The following IFT80 variants were observed in gnomAD, a reference collection of about 807,000 sequenced individuals.
IFT80 encodes intraflagellar transport protein 80 homolog.
IFT80 carries 79 observed loss-of-function variants against 107.9 expected under a neutral mutation model. That is an observed-to-expected ratio of 0.73 (90% CI 0.61 to 0.88). The LOEUF (loss-of-function observed/expected upper bound fraction) is 0.88. IFT80 is among the 40% of genes least tolerant of loss of function. The pLI, the probability that IFT80 is intolerant of heterozygous loss-of-function variation, is 0.00. For missense variants in IFT80, 797 were observed against 914.2 expected (o/e 0.87, Z 1.65); for synonymous variants, 299 against 300.9 (o/e 0.99, Z 0.07).
At chr3:160,366,572 CATTT>C (rs1006624836) in intron 5 of IFT80, among the ~76,000 whole-genome samples, 2 of 152,032 alleles carry the variant, frequency 1.3e-5, no homozygotes, top group Non-Finnish European at 2.9e-5. Context: ...AATGTTTTTA[CATTT>C]ATTTGCAACT....
Position 160,258,448 on chromosome 3 carries a change from G to A in IFT80, c.*77C>T, listed in dbSNP as rs2108189413. 6.3e-7 allele frequency: 1 copy of A among 1,580,360 alleles called. No homozygotes were observed. Among genetic ancestry groups the A allele is most frequent in the African/African-American group, 1.4e-5 (1 of 74,046 alleles). On this transcript the variant is annotated 3_prime_UTR_variant, in exon 20 of 20. Transcript: ENST00000326448. ...GTTAAAGATTATGCTTTTTTCTTTA[G>A]CAACCAAAACATGCTTACCCTTGGT...
intron 1 of IFT80, among the ~76,000 whole-genome samples, chr3:160,385,560 T>A (rs1712863207): frequency 6.6e-6 from 1 of 152,218 alleles, no homozygotes; most frequent in African/African-American, 2.4e-5. Context: ...TTCTCATGAA[T>A]CCAAGAACCT....
At chr3:160,341,302 C>T (rs1213648075) in intron 8 of IFT80, among the ~76,000 whole-genome samples, 14 of 150,222 alleles carry the variant, frequency 9.3e-5, no homozygotes, top group Non-Finnish European at 1.2e-4. Context: ...ACGTAGTTTG[C>T]GATTTGTGGT....
chr3:160,336,751 TCA>T (rs1719508541), intron 8 of IFT80, among the ~76,000 whole-genome samples: 1 of 152,176 alleles, frequency 6.6e-6, no homozygotes. Flanking sequence ...TCTGTGCCTT[TCA>T]AACAGTCTTA....
chr3:160,286,117 G>A (rs1715071852), intron 12 of IFT80, among the ~76,000 whole-genome samples: 1 of 152,066 alleles, frequency 6.6e-6, no homozygotes, highest in South Asian at 2.1e-4. Flanking sequence ...TGCTCCACAG[G>A]CTCACAATGG....
intron 18 of IFT80, among the ~76,000 whole-genome samples, chr3:160,273,220 G>A (rs923955444): frequency 1.3e-5 from 2 of 152,166 alleles, no homozygotes; most frequent in African/African-American, 4.8e-5. Flanking sequence ...CTGAATATTT[G>A]CAGTCCTTTC....
chr3:160,258,601 A>G lies in IFT80; in HGVS notation c.2258T>C (p.Ile753Thr), dbSNP rs1712540058. 2 of 1,613,138 alleles carry G rather than the reference A, an allele frequency of 1.2e-6. No homozygotes were observed. The highest frequency in any genetic ancestry group is 1.7e-6 in the Non-Finnish European group (2 of 1,179,908). The stretch of plus-strand genomic sequence containing the variant: ...TCTTTCTTTTGTAATTTCCATCTCA[A>G]TTTTGGCTTTGATTTTCTCCCAATC... ...QIDWEKIKAK[I>T]EMEITKEREQ... Residue 753 changes from isoleucine (I) to threonine (T), a missense_variant, in exon 20 of 20, where the codon ATT becomes ACT. By Grantham distance (89) the Ile-to-Thr change is moderately conservative. Coordinates refer to ENST00000326448, the MANE Select transcript of IFT80 (RefSeq NM_020800.3).
At chr3:160,328,059 A>C (rs1358042730) in intron 8 of IFT80, among the ~76,000 whole-genome samples, 1 of 152,192 alleles carries the variant, frequency 6.6e-6, no homozygotes, top group Non-Finnish European at 1.5e-5. Context: ...AAGAAGACAT[A>C]TATGGCCAAC....
intron 9 of IFT80, among the ~76,000 whole-genome samples, chr3:160,315,820 T>A (rs1249449740): frequency 1.3e-5 from 2 of 151,882 alleles, no homozygotes; most frequent in African/African-American, 4.8e-5. Context: ...AACCATAGAG[T>A]CTAGGTTATC....
At chr3:160,317,480 G>A (rs1185640453) in intron 9 of IFT80, among the ~76,000 whole-genome samples, 2 of 151,888 alleles carry the variant, frequency 1.3e-5, no homozygotes, top group Non-Finnish European at 2.9e-5. Context: ...TTCTAGATAT[G>A]GTCTCATGTT....
At chr3:160,271,867 A>G (rs1713834970) in intron 18 of IFT80, among the ~76,000 whole-genome samples, 1 of 151,926 alleles carries the variant, frequency 6.6e-6, no homozygotes, top group South Asian at 2.1e-4. Context: ...TACTAACATC[A>G]CAAAAAATAC....
chr3:160,344,679 T>C (rs1033746094), intron 8 of IFT80, among the ~76,000 whole-genome samples: 2 of 152,240 alleles, frequency 1.3e-5, no homozygotes, highest in Admixed American at 6.5e-5. Flanking sequence ...AAAAGATATC[T>C]GCAAACTACC....
chr3:160,348,368 A>C (rs910020032), intron 8 of IFT80, among the ~76,000 whole-genome samples: 12 of 152,326 alleles, frequency 7.9e-5, no homozygotes, highest in African/African-American at 2.9e-4. Context: ...TTTAAAATAA[A>C]CTTTTGATAT....
At chr3:160,316,033 G>A (rs776743224) in intron 9 of IFT80, among the ~76,000 whole-genome samples, 1 of 152,074 alleles carries the variant, frequency 6.6e-6, no homozygotes, top group Non-Finnish European at 1.5e-5. Flanking sequence ...ATTTAATGTG[G>A]TTTGGACCTA....
intron 9 of IFT80, among the ~76,000 whole-genome samples, chr3:160,318,780 T>G (rs1559937000): frequency 6.6e-6 from 1 of 152,108 alleles, no homozygotes; most frequent in African/African-American, 2.4e-5. Context: ...CTAAAGGAAT[T>G]TGATAAAACA....
intron 9 of IFT80, among the ~76,000 whole-genome samples, chr3:160,314,428 G>C (rs1717639792): frequency 6.6e-6 from 1 of 152,152 alleles, no homozygotes; most frequent in Non-Finnish European, 1.5e-5. Flanking sequence ...GGAGGCAAGA[G>C]GCAGATTAAG....
chr3:160,344,268 G>T (rs1720124039), intron 8 of IFT80, among the ~76,000 whole-genome samples: 1 of 151,774 alleles, frequency 6.6e-6, no homozygotes, highest in Non-Finnish European at 1.5e-5. Flanking sequence ...CCTTTTACTG[G>T]TATTTTCTAT....
chr3:160,374,915 G>A (rs1380663367), intron 5 of IFT80, among the ~76,000 whole-genome samples: 1 of 152,068 alleles, frequency 6.6e-6, no homozygotes, highest in African/African-American at 2.4e-5. Context: ...AAACATTTAA[G>A]CTTAGAAAAG....
intron 9 of IFT80, among the ~76,000 whole-genome samples, chr3:160,316,138 ACTCT>A (rs939093739): frequency 6.6e-6 from 1 of 151,902 alleles, no homozygotes; most frequent in African/African-American, 2.4e-5. Context: ...TCTTGCTTGC[ACTCT>A]CTCTGGCCCT....
Sources: gnomAD v4.1 joint callset for allele counts (sites outside exome capture counted in the v4.1 genomes callset) on GRCh38, gnomAD v4.1.1 for gene constraint, MANE v1.5 for transcripts, NCBI Gene and HGNC (gene_info 2026-07-23, HGNC 2026-07-21) for gene names.